The following EML6 variants were observed in gnomAD, a reference collection of about 807,000 sequenced individuals.
EML6 encodes EMAP like 6, also known as echinoderm microtubule-associated protein-like 6.
In EML6, 154 loss-of-function variants were observed where a neutral mutation model predicts 240.1. The observed-to-expected ratio is 0.64, with a 90% CI of 0.56 to 0.73. The LOEUF is 0.73. Among genes scored for constraint, EML6 ranks in the 30% least tolerant of loss-of-function variants. EML6 has a pLI of 0.00. For missense variants in EML6, 2,964 were observed against 2,474.6 expected, an observed-to-expected ratio of 1.20 and a Z score of -4.20; for synonymous variants, 1,148 against 899.0, an observed-to-expected ratio of 1.28 and a Z score of -4.95.
At chr2:54,753,752 A>G (rs1426523494) in intron 2 of EML6, among the ~76,000 whole-genome samples, 2 of 150,948 alleles carry the variant, frequency 1.3e-5, no homozygotes, top group Non-Finnish European at 1.5e-5. Context: ...TGCAGCCTCG[A>G]ACTCCAGGCC....
At chr2:54,749,724 C>A (rs1684072732) in intron 2 of EML6, among the ~76,000 whole-genome samples, 1 of 152,092 alleles carries the variant, frequency 6.6e-6, no homozygotes, top group South Asian at 2.1e-4. Flanking sequence ...AAGTAATTTG[C>A]CCCAAAACAT....
Position 54,866,766 on chromosome 2 carries a change from G to T in EML6, c.1933G>T (p.Val645Phe). 2 of 1,542,640 alleles carry T rather than the reference G, an allele frequency of 1.3e-6. No homozygotes were observed. The highest frequency in any genetic ancestry group is 1.8e-6 in the Non-Finnish European group (2 of 1,139,100). Reference sequence around the variant, plus strand: ...CCAGATGTTTCTGTTGTACTTTAAGGTTTACAAAGAAGATCTACCTCAGCT... The same window carrying T: ...CCAGATGTTTCTGTTGTACTTTAAGTTTTACAAAGAAGATCTACCTCAGCT... The part of the protein sequence containing the change: ...QEAQINYDRQ[V>F]YKEDLPQLKQ... The change falls in exon 14 of 42, where the codon GTT becomes TTT. Residue 645 changes from valine (V) to phenylalanine (F), a missense_variant and splice_region_variant. Val to Phe is a conservative substitution (Grantham distance 50). Coordinates refer to ENST00000356458, the MANE Select transcript of EML6 (RefSeq NM_001039753.4).
intron 7 of EML6, among the ~76,000 whole-genome samples, chr2:54,838,328 G>A (rs186748456): frequency 3.9e-5 from 6 of 152,276 alleles, no homozygotes; most frequent in Admixed American, 3.9e-4. Context: ...ATTCCTCAGT[G>A]CCAGACACTG....
At chr2:54,934,076 C>G (rs1675004884) in intron 28 of EML6, among the ~76,000 whole-genome samples, 1 of 152,154 alleles carries the variant, frequency 6.6e-6, no homozygotes, top group African/African-American at 2.4e-5. Context: ...GAACAATCAA[C>G]GATTCCTGCC....
At chr2:54,942,996 C>A (rs1675506965) in intron 28 of EML6, among the ~76,000 whole-genome samples, 1 of 152,154 alleles carries the variant, frequency 6.6e-6, no homozygotes, top group African/African-American at 2.4e-5. Flanking sequence ...TATAGGAAGT[C>A]CCACGTTGGC....
At chr2:54,793,490 T>A (rs1222454772) in intron 2 of EML6, among the ~76,000 whole-genome samples, 1 of 151,970 alleles carries the variant, frequency 6.6e-6, no homozygotes, top group Non-Finnish European at 1.5e-5. Context: ...TAATTTTTTC[T>A]GTGCAATTCA....
At chr2:54,756,988 T>G (rs1667761306) in intron 2 of EML6, among the ~76,000 whole-genome samples, 1 of 151,956 alleles carries the variant, frequency 6.6e-6, no homozygotes, top group East Asian at 1.9e-4. Flanking sequence ...TCTGGTAGAT[T>G]TTTCTATTTT....
chr2:54,926,718 C>T (rs922131180), intron 26 of EML6, among the ~76,000 whole-genome samples: 2 of 152,238 alleles, frequency 1.3e-5, no homozygotes, highest in African/African-American at 4.8e-5. Context: ...TCTTGAATCA[C>T]CCACTGCTGC....
chr2:54,961,184 G>GTTGTTTTTTTTGTTTTGTTTTTTTTTTT, intron 35 of EML6, among the ~76,000 whole-genome samples: 3 of 55,424 alleles, frequency 5.4e-5, no homozygotes, highest in Admixed American at 2.7e-4. Flanking sequence ...TCAGGAAGTA[G>GTTGTTTTTTTTGTTTTGTTTTTTTTTTT]TTTTTTTTTT....
intron 38 of EML6, among the ~76,000 whole-genome samples, chr2:54,965,840 A>C (rs911536955): frequency 7.9e-5 from 12 of 152,218 alleles, no homozygotes; most frequent in Admixed American, 7.9e-4. Flanking sequence ...CATAATTTCT[A>C]ATCTTTTGGC....
At chr2:54,894,548 G>C (rs529261606) in intron 19 of EML6, among the ~76,000 whole-genome samples, 4 of 152,274 alleles carry the variant, frequency 2.6e-5, no homozygotes, top group African/African-American at 9.6e-5. Flanking sequence ...TTTGGTCAGA[G>C]TATGTGAGAT....
At chr2:54,962,887 A>C (rs772957343) in intron 36 of EML6, among the ~76,000 whole-genome samples, 176 bp downstream of exon 36, 6 of 152,232 alleles carry the variant, frequency 3.9e-5, no homozygotes, top group Non-Finnish European at 8.8e-5. Flanking sequence ...CCGTCTAAAC[A>C]ATATAATTGA....
rs956949026 is a variant in EML6, at chr2:54,725,834, T to G, written c.197+576T>G. Among the ~76,000 whole-genome samples, 1 of 152,212 alleles carries G rather than the reference T, an allele frequency of 6.6e-6. No individual in the cohort carries two copies. Among genetic ancestry groups the G allele is most frequent in the African/African-American group, 2.4e-5 (1 of 41,462 alleles). On this transcript the variant is annotated intron_variant, in intron 2 of 41. Coordinates refer to ENST00000356458, the MANE Select transcript of EML6 (RefSeq NM_001039753.4). The surrounding 1 kb of genome is among the most constrained non-coding windows in gnomAD (Gnocchi z 4.3). ...GCCCAAAGCATATTTATACACTAAA[T>G]GGATGCTTCCACAGCATCATTGAGG...
At chr2:54,766,221 C>G (rs1482272716) in intron 2 of EML6, among the ~76,000 whole-genome samples, 3 of 152,178 alleles carry the variant, frequency 2.0e-5, no homozygotes, top group African/African-American at 7.2e-5. Flanking sequence ...AATATTTAAA[C>G]AATAGCTGAT....
Position 54,797,186 on chromosome 2 carries a change from A to AAAAAAAC in EML6, c.198-16043_198-16042insAAACAAA, listed in dbSNP as rs1558557089. Among the ~76,000 whole-genome samples the AAAAAAAC allele has an allele frequency of 6.7e-5, 10 of 149,396 alleles. No individual in the cohort carries two copies. In the South Asian group the frequency reaches 1.5e-3, roughly 22 times the overall value. The stretch of plus-strand genomic sequence containing the variant: ...TCTCAAAAAAAAAAAAAAAAAAAAA[A>AAAAAAAC]AAACTGTGATCTTGTAGGTCTAAGG... On this transcript the variant is annotated intron_variant, in intron 2 of 41. Coordinates refer to ENST00000356458, the MANE Select transcript of EML6 (RefSeq NM_001039753.4).
chr2:54,776,348 G>A (rs558978665), intron 2 of EML6, among the ~76,000 whole-genome samples: 13 of 152,140 alleles, frequency 8.5e-5, no homozygotes, highest in Non-Finnish European at 1.5e-4. Context: ...GCCTGGGCTC[G>A]GTACCTTCGT....
At chr2:54,933,561 C>A (rs188938067) in intron 28 of EML6, among the ~76,000 whole-genome samples, 130 of 152,188 alleles carry the variant, frequency 8.5e-4, no homozygotes, top group Middle Eastern at 6.8e-3. Flanking sequence ...TGGTGAAACC[C>A]TGTCTCTCCT....
chr2:54,829,420 A>G lies in EML6; in HGVS notation c.790A>G (p.Thr264Ala). 1 of 1,551,956 alleles carries G rather than the reference A, an allele frequency of 6.4e-7. No individual in the cohort carries two copies. Among genetic ancestry groups the G allele is most frequent in the South Asian group, 1.2e-5 (1 of 84,050 alleles). ...GRDGCIRLWD[T>A]DFKPITKIDL... is the part of the protein sequence containing the mutation. ...AGATGGGTGTATACGACTGTGGGAC[A>G]CTGATTTCAAACCAATAACCAAAAT... The change falls in exon 7 of 42, where the codon ACT becomes GCT. Residue 264 changes from threonine to alanine, a missense_variant. Thr to Ala is a moderately conservative substitution (Grantham distance 58). Coordinates refer to ENST00000356458, the MANE Select transcript of EML6 (RefSeq NM_001039753.4).
intron 4 of EML6, among the ~76,000 whole-genome samples, chr2:54,817,343 G>C (rs1176261071): frequency 6.6e-6 from 1 of 152,190 alleles, no homozygotes; most frequent in African/African-American, 2.4e-5. Flanking sequence ...TGAAGTCAGT[G>C]TGATCAAAAA....
Sources: gnomAD v4.1 joint callset for allele counts (sites outside exome capture counted in the v4.1 genomes callset) on GRCh38, gnomAD v4.1.1 for gene constraint, Gnocchi (gnomAD v3.1) non-coding constraint, MANE v1.5 for transcripts, NCBI Gene and HGNC (gene_info 2026-07-23, HGNC 2026-07-21) for gene names.